The following TTC28 variants were observed in gnomAD, a reference collection of about 807,000 sequenced individuals.
The protein encoded by TTC28 is tetratricopeptide repeat protein 28.
In TTC28, 61 loss-of-function variants were observed where a neutral mutation model predicts 198.0. That is an observed-to-expected ratio of 0.31 (90% CI 0.25 to 0.38). The LOEUF (loss-of-function observed/expected upper bound fraction) is 0.38, where lower values mean the gene tolerates loss of function less well. Among genes scored for constraint, TTC28 ranks in the 10% least tolerant of loss-of-function variants. The pLI, the probability that TTC28 is intolerant of heterozygous loss-of-function variation, is 1.00. For missense variants in TTC28, 2,678 were observed against 3,164.0 expected (o/e 0.85, Z 3.69); for synonymous variants, 1,171 against 1,297.8 (o/e 0.90, Z 2.10).
intron 5 of TTC28, among the ~76,000 whole-genome samples, chr22:28,225,967 G>A (rs1409800879): frequency 6.6e-6 from 1 of 152,196 alleles, no homozygotes; most frequent in Non-Finnish European, 1.5e-5. Flanking sequence ...TGTATCAGTA[G>A]TTTGTTCCTT....
intron 2 of TTC28, among the ~76,000 whole-genome samples, chr22:28,388,486 G>A (rs1358746283): frequency 1.3e-5 from 2 of 152,148 alleles, no homozygotes; most frequent in Admixed American, 6.5e-5. Flanking sequence ...AGCATAGAAC[G>A]TTCTTCCATT....
intron 2 of TTC28, among the ~76,000 whole-genome samples, chr22:28,537,613 CA>C (rs2049322832): frequency 6.6e-6 from 1 of 151,784 alleles, no homozygotes; most frequent in Non-Finnish European, 1.5e-5. Flanking sequence ...ATTGATAGAT[CA>C]AAATGTATAA....
intron 2 of TTC28, among the ~76,000 whole-genome samples, chr22:28,554,675 A>G (rs375711943): frequency 9.2e-5 from 14 of 152,244 alleles, no homozygotes; most frequent in African/African-American, 3.1e-4. Flanking sequence ...GTTCGAGACC[A>G]GCCTGGCCAA....
At chr22:28,080,215 G>C (rs1358778347) in intron 12 of TTC28, among the ~76,000 whole-genome samples, 1 of 152,124 alleles carries the variant, frequency 6.6e-6, no homozygotes, top group Admixed American at 6.5e-5. Flanking sequence ...ACCCAGAAAT[G>C]GGATTGTTGC....
At chr22:27,993,551 A>G in intron 17 of TTC28, 33 bp from the exon 18 acceptor site, 1 of 1,510,652 alleles carries the variant, frequency 6.6e-7, no homozygotes, top group Non-Finnish European at 8.9e-7. Context: ...TCAGAGACCC[A>G]GGCCAGCCCT....
intron 6 of TTC28, among the ~76,000 whole-genome samples, chr22:28,154,330 T>C (rs201927339): frequency 0.036 from 4,999 of 140,714 alleles, 117 homozygotes; most frequent in South Asian, 0.057. Flanking sequence ...CATTTTTTTT[T>C]TTTTCTTTTC....
At chr22:28,456,756 A>G (rs1016881572) in intron 2 of TTC28, among the ~76,000 whole-genome samples, 1 of 152,102 alleles carries the variant, frequency 6.6e-6, no homozygotes, top group African/African-American at 2.4e-5. Flanking sequence ...TTGTATTTTT[A>G]GTAGAGACGG....
At chr22:28,243,058 C>A (rs561063663) in intron 5 of TTC28, among the ~76,000 whole-genome samples, 1 of 149,258 alleles carries the variant, frequency 6.7e-6, no homozygotes, top group Non-Finnish European at 1.5e-5. Context: ...AAAAACTGGG[C>A]CAGGCGCAGT....
intron 1 of TTC28, among the ~76,000 whole-genome samples, chr22:28,642,448 C>A (rs1217585884): frequency 3.0e-4 from 43 of 142,600 alleles, no homozygotes; most frequent in Non-Finnish European, 3.7e-4. Context: ...AAAAAAACAA[C>A]AAAAAAAAAA....
At chr22:28,458,528 T>C (rs1252317838) in intron 2 of TTC28, among the ~76,000 whole-genome samples, 1 of 152,182 alleles carries the variant, frequency 6.6e-6, no homozygotes, top group East Asian at 1.9e-4. Flanking sequence ...CTAAGATATG[T>C]TCCTGAATAT....
At chr22:28,607,415 C>A (rs1214993326) in intron 2 of TTC28, among the ~76,000 whole-genome samples, 1 of 152,138 alleles carries the variant, frequency 6.6e-6, no homozygotes, top group South Asian at 2.1e-4. Context: ...GAAAGCATCA[C>A]TTTTTTACAT....
At chr22:28,040,772 A>G (rs148663830) in intron 12 of TTC28, among the ~76,000 whole-genome samples, 80 of 152,342 alleles carry the variant, frequency 5.3e-4, no homozygotes, top group African/African-American at 1.8e-3. Context: ...AGGGTATTCA[A>G]TTAGGAAAAG....
chr22:28,221,520 C>A (rs765074143), intron 5 of TTC28, among the ~76,000 whole-genome samples: 35 of 152,158 alleles, frequency 2.3e-4, no homozygotes, highest in Non-Finnish European at 4.6e-4. Context: ...TTGCTTAGGA[C>A]ACTGGGTAGA....
intron 2 of TTC28, among the ~76,000 whole-genome samples, chr22:28,432,765 A>G (rs2047452559): frequency 6.6e-6 from 1 of 152,224 alleles, no homozygotes; most frequent in South Asian, 2.1e-4. Flanking sequence ...TATTGATAGT[A>G]GTCATTAATT....
intron 21 of TTC28, among the ~76,000 whole-genome samples, chr22:27,987,553 G>A (rs767236085): frequency 2.0e-5 from 3 of 152,158 alleles, no homozygotes; most frequent in Non-Finnish European, 4.4e-5. Context: ...GTAACATGGC[G>A]AACCCCTGTG....
chr22:28,655,819 C>G (rs888327134), intron 1 of TTC28, among the ~76,000 whole-genome samples: 12 of 151,402 alleles, frequency 7.9e-5, no homozygotes, highest in African/African-American at 2.9e-4. Flanking sequence ...CCACTGCACT[C>G]CAGCCTGGGC....
intron 5 of TTC28, among the ~76,000 whole-genome samples, chr22:28,221,425 G>A (rs913523675): frequency 6.6e-6 from 1 of 152,190 alleles, no homozygotes; most frequent in Non-Finnish European, 1.5e-5. Flanking sequence ...CCTGGTCAGG[G>A]ATTGACTAGG....
intron 2 of TTC28, among the ~76,000 whole-genome samples, chr22:28,497,090 A>G (rs1331699630): frequency 2.0e-5 from 3 of 152,086 alleles, no homozygotes; most frequent in African/African-American, 7.2e-5. Flanking sequence ...CCCACTTCCA[A>G]TATTCTTGTG....
chr22:28,044,695 C>G (rs1200989358), intron 12 of TTC28, among the ~76,000 whole-genome samples: 1 of 152,126 alleles, frequency 6.6e-6, no homozygotes, highest in Non-Finnish European at 1.5e-5. Context: ...TGAGTGAGAA[C>G]ATGTGGTGTT....
Sources: allele counts gnomAD v4.1 joint callset (sites outside exome capture counted in the v4.1 genomes callset), GRCh38; gene constraint gnomAD v4.1.1; transcripts MANE v1.5; gene names NCBI Gene and HGNC (gene_info 2026-07-23, HGNC 2026-07-21).